Variants in NELL2 observed in about 807,000 individuals in gnomAD.
The protein encoded by NELL2 is neural EGFL like 2, also known as protein kinase C-binding protein NELL2.
NELL2 carries 41 observed loss-of-function variants against 109.6 expected under a neutral mutation model. That is an observed-to-expected ratio of 0.37 (90% CI 0.29 to 0.49). The LOEUF (loss-of-function observed/expected upper bound fraction) is 0.49. Ranked by LOEUF, NELL2 falls within the 20% of genes least tolerant of loss-of-function variation. The pLI is 0.98. For missense variants in NELL2, 900 were observed against 1,008.3 expected, an observed-to-expected ratio of 0.89 and a Z score of 1.45; for synonymous variants, 355 against 344.7, an observed-to-expected ratio of 1.03 and a Z score of -0.33.
chr12:44,528,635 T>G (rs188704377), intron 16 of NELL2, among the ~76,000 whole-genome samples: 2 of 152,364 alleles, frequency 1.3e-5, no homozygotes, highest in African/African-American at 4.8e-5. Context: ...ATATGATAGC[T>G]GACAAGCAAA....
At chr12:44,685,688 T>C (rs1024323503) in intron 12 of NELL2, among the ~76,000 whole-genome samples, 1 of 152,182 alleles carries the variant, frequency 6.6e-6, no homozygotes, top group African/African-American at 2.4e-5. Context: ...TTAGTTTTGC[T>C]GGATATGAAA....
intron 15 of NELL2, among the ~76,000 whole-genome samples, chr12:44,555,049 C>G (rs1943192627): frequency 6.6e-6 from 1 of 152,210 alleles, no homozygotes; most frequent in Non-Finnish European, 1.5e-5. Context: ...CTGAACTCAG[C>G]ATGTCAGTCA....
At chr12:44,645,109 C>A (rs1947045253) in intron 13 of NELL2, among the ~76,000 whole-genome samples, 1 of 151,960 alleles carries the variant, frequency 6.6e-6, no homozygotes, top group Non-Finnish European at 1.5e-5. Context: ...AAAAAGAAGA[C>A]TGAAATTTCT....
chr12:44,694,093 G>A (rs1279915517), intron 12 of NELL2, among the ~76,000 whole-genome samples: 1 of 152,068 alleles, frequency 6.6e-6, no homozygotes, highest in Non-Finnish European at 1.5e-5. Flanking sequence ...AACTTGACTA[G>A]GCCAGGTGGT....
At chr12:44,880,134 CACACACAG>C (rs1357652001), upstream of NELL2, among the ~76,000 whole-genome samples, 22 of 140,982 alleles carry the variant, frequency 1.6e-4, 1 homozygote, top group African/African-American at 1.6e-4. Context: ...CACACACACA[CACACACAG>C]AGAGAGAGAG....
intron 9 of NELL2, among the ~76,000 whole-genome samples, chr12:44,720,658 A>T (rs1938721684): frequency 6.6e-6 from 1 of 152,176 alleles, no homozygotes; most frequent in Non-Finnish European, 1.5e-5. Flanking sequence ...AGTTTTTGTG[A>T]GTCAATGCTA....
At chr12:44,701,600 C>T (rs1188426007) in intron 12 of NELL2, among the ~76,000 whole-genome samples, 2 of 152,262 alleles carry the variant, frequency 1.3e-5, no homozygotes, top group East Asian at 3.9e-4. Flanking sequence ...GATTCCAAAT[C>T]TTGGCTCCTT....
At chr12:44,540,512 G>C (rs538398356) in intron 15 of NELL2, among the ~76,000 whole-genome samples, 6 of 152,152 alleles carry the variant, frequency 3.9e-5, no homozygotes, top group African/African-American at 9.6e-5. Context: ...GCTGGAAGTA[G>C]CTGAGTTAAT....
intron 14 of NELL2, among the ~76,000 whole-genome samples, 197 bp downstream of exon 14, chr12:44,610,651 G>A (rs1239948009): frequency 6.6e-6 from 1 of 152,002 alleles, no homozygotes; most frequent in Non-Finnish European, 1.5e-5. Context: ...GAGCTGAATG[G>A]TTTGGTCACT....
intron 2 of NELL2, among the ~76,000 whole-genome samples, chr12:44,817,794 A>G (rs1592593302): frequency 6.6e-6 from 1 of 152,108 alleles, no homozygotes; most frequent in African/African-American, 2.4e-5. Flanking sequence ...AAAACAAACA[A>G]ACAAACAAAA....
chr12:44,783,332 A>G (rs1700122590), intron 3 of NELL2, among the ~76,000 whole-genome samples: 1 of 151,810 alleles, frequency 6.6e-6, no homozygotes, highest in South Asian at 2.1e-4. Context: ...AAAGAAAAGG[A>G]AGGGCAAAAT....
At chr12:44,577,357 T>G (rs1944134977) in intron 15 of NELL2, among the ~76,000 whole-genome samples, 1 of 142,658 alleles carries the variant, frequency 7.0e-6, no homozygotes, top group African/African-American at 2.6e-5. Context: ...TTGAGAAGTG[T>G]CTGTTCATGT....
At chr12:44,670,577 A>G (rs1240250584) in intron 12 of NELL2, among the ~76,000 whole-genome samples, 1 of 152,004 alleles carries the variant, frequency 6.6e-6, no homozygotes, top group Non-Finnish European at 1.5e-5. Context: ...TTTCATCTAT[A>G]AAGATACACA....
intron 13 of NELL2, among the ~76,000 whole-genome samples, chr12:44,634,982 G>C (rs1946582180): frequency 6.6e-6 from 1 of 152,106 alleles, no homozygotes. Flanking sequence ...CATTGTATCT[G>C]GCGTGAGATA....
intron 1 of NELL2, among the ~76,000 whole-genome samples, chr12:44,908,414 CT>C (rs1473281361): frequency 6.6e-6 from 1 of 151,754 alleles, no homozygotes; most frequent in East Asian, 1.9e-4. Flanking sequence ...CAAGAATAAA[CT>C]GGAAAGATAA....
At chr12:44,751,288 G>A (rs1940639262) in intron 9 of NELL2, among the ~76,000 whole-genome samples, 1 of 152,116 alleles carries the variant, frequency 6.6e-6, no homozygotes, top group African/African-American at 2.4e-5. Context: ...GACTAATTAA[G>A]TTGGTTTTTC....
chr12:44,723,092 G>C (rs1592400594), intron 9 of NELL2, among the ~76,000 whole-genome samples: 1 of 152,188 alleles, frequency 6.6e-6, no homozygotes, highest in African/African-American at 2.4e-5. Flanking sequence ...GGGAGACTGA[G>C]GCAGGAGAAT....
chr12:44,862,902 A>G (rs1176586160), intron 2 of NELL2, among the ~76,000 whole-genome samples: 1 of 152,208 alleles, frequency 6.6e-6, no homozygotes, highest in African/African-American at 2.4e-5. Context: ...CGGCATCAGG[A>G]GTTTAAGAAG....
At chr12:44,675,804 C>T (rs1592313876) in intron 12 of NELL2, among the ~76,000 whole-genome samples, 2 of 152,016 alleles carry the variant, frequency 1.3e-5, no homozygotes, top group South Asian at 4.2e-4. Context: ...TTGGAAGATC[C>T]CTCTAGGACA....
Sources: gnomAD v4.1 joint callset for allele counts (sites outside exome capture counted in the v4.1 genomes callset) on GRCh38, gnomAD v4.1.1 for gene constraint, MANE v1.5 for transcripts, NCBI Gene and HGNC (gene_info 2026-07-23, HGNC 2026-07-21) for gene names.